Variants in IQUB observed in about 807,000 individuals in gnomAD.
IQUB encodes IQ motif and ubiquitin-like domain-containing protein.
IQUB carries 86 observed loss-of-function variants against 86.4 expected under a neutral mutation model. The ratio of observed to expected loss-of-function variants is 1.00; its 90% CI spans 0.84 to 1.19. IQUB has a LOEUF of 1.19. IQUB is among the 50% of genes most tolerant of loss of function. The probability of loss-of-function intolerance (pLI) is 0.00; values close to 1 mark genes in which losing one functional copy is unlikely to be tolerated. For missense variants in IQUB, 946 were observed against 916.9 expected, an observed-to-expected ratio of 1.03 and a Z score of -0.41; for synonymous variants, 289 against 304.5, an observed-to-expected ratio of 0.95 and a Z score of 0.53.
At position 123,502,756 on chromosome 7, in the gene IQUB, A is replaced by G; in HGVS notation, c.868-4T>C. ...GATTTTTTTTCTGAAAAACTGTCTAAAAGAAAACATTAAAAATTTAAATCA... is the reference window on the plus strand; with the variant it reads ...GATTTTTTTTCTGAAAAACTGTCTAGAAGAAAACATTAAAAATTTAAATCA... On this transcript the variant is annotated splice_polypyrimidine_tract_variant and splice_region_variant and intron_variant, in intron 5 of 12. Transcript: ENST00000324698. The G allele has an allele frequency of 6.3e-7, 1 of 1,584,916 alleles. No individual in the cohort carries two copies. Among genetic ancestry groups the G allele is most frequent in the Non-Finnish European group, 8.6e-7 (1 of 1,165,122 alleles).
chr7:123,482,192 A>G (rs1795041218), intron 7 of IQUB, among the ~76,000 whole-genome samples: 1 of 152,048 alleles, frequency 6.6e-6, no homozygotes, highest in Non-Finnish European at 1.5e-5. Context: ...TTTTTAAAAA[A>G]TTCTATCAAT....
chr7:123,476,065 C>A lies in IQUB; in HGVS notation c.1410+3730G>T, dbSNP rs147410705. ...TCTGTCCCTTATTCTTCCTCCCTAC[C>A]TTCTTCCACAAACATTTATTGACAC... On this transcript the variant is annotated intron_variant, in intron 8 of 12. Coordinates refer to ENST00000324698, the MANE Select transcript of IQUB (RefSeq NM_178827.5). Among the ~76,000 whole-genome samples the A allele has an allele frequency of 5.4e-3, 821 of 152,242 alleles. 9 individuals are homozygous for A. The highest frequency in any genetic ancestry group is 0.019 in the African/African-American group (789 of 41,538).
intron 3 of IQUB, among the ~76,000 whole-genome samples, chr7:123,506,128 C>A (rs1380724205): frequency 6.6e-6 from 1 of 152,210 alleles, no homozygotes; most frequent in Non-Finnish European, 1.5e-5. Flanking sequence ...GACCTTTACT[C>A]CAGTTCCCAA....
intron 1 of IQUB, among the ~76,000 whole-genome samples, chr7:123,529,752 C>A (rs1442138229): frequency 0.012 from 425 of 36,750 alleles, no homozygotes; most frequent in Middle Eastern, 0.019. Flanking sequence ...AAAAAAAAAA[C>A]AGGCTAGGTG....
chr7:123,455,082 C>T (rs1443988437), intron 12 of IQUB, among the ~76,000 whole-genome samples: 1 of 151,912 alleles, frequency 6.6e-6, no homozygotes, highest in African/African-American at 2.4e-5. Flanking sequence ...TATTTGCCTC[C>T]CTTTATTTAT....
chr7:123,499,626 G>C (rs1342476802), intron 6 of IQUB, among the ~76,000 whole-genome samples: 1 of 152,142 alleles, frequency 6.6e-6, no homozygotes, highest in Non-Finnish European at 1.5e-5. Context: ...ACAAAGAAAG[G>C]AGGGGGCAGA....
intron 1 of IQUB, chr7:123,532,579 A>G (rs1252192418): frequency 1.3e-5 from 2 of 152,198 alleles, no homozygotes; most frequent in Non-Finnish European, 2.9e-5. Context: ...CAAAAAAGGC[A>G]AAAAGTCGGG....
intron 1 of IQUB, among the ~76,000 whole-genome samples, chr7:123,530,672 A>ATTTT (rs377272603): frequency 0.011 from 1,107 of 99,416 alleles, 49 homozygotes; most frequent in African/African-American, 0.043. Context: ...TTGCTCTTTG[A>ATTTT]TTTTTTTTTT....
chr7:123,534,007 A>G (rs952283027), intron 1 of IQUB, among the ~76,000 whole-genome samples: 7 of 152,210 alleles, frequency 4.6e-5, no homozygotes, highest in Admixed American at 6.5e-5. Flanking sequence ...GGGATCCAGT[A>G]TTGCCTTCTA....
intron 1 of IQUB, among the ~76,000 whole-genome samples, chr7:123,515,650 T>C (rs534222782): frequency 3.9e-4 from 59 of 151,922 alleles, no homozygotes; most frequent in Admixed American, 1.3e-3. Context: ...AAAAATAAGC[T>C]CAATATCATT....
chr7:123,528,161 G>A (rs541394656), intron 1 of IQUB, among the ~76,000 whole-genome samples: 1,808 of 152,252 alleles, frequency 0.012, 14 homozygotes, highest in Non-Finnish European at 0.017. Flanking sequence ...GCAATGCCTC[G>A]CCCTGCTTCG....
At chr7:123,494,503 T>C in intron 7 of IQUB, among the ~76,000 whole-genome samples, 1 of 152,130 alleles carries the variant, frequency 6.6e-6, no homozygotes. Flanking sequence ...AAAATTATTA[T>C]TCCAAGGCTT....
rs35663628 is a variant in IQUB at position 123,505,381 on chromosome 7, T to C, written c.533-2018A>G. Among the ~76,000 whole-genome samples, 1,068 of 152,332 alleles carry C rather than the reference T, an allele frequency of 7.0e-3. 2 individuals are homozygous for C. Among genetic ancestry groups the C allele is most frequent in the Non-Finnish European group, 0.012 (834 of 68,032 alleles). On this transcript the variant is annotated intron_variant, in intron 3 of 12. Coordinates refer to ENST00000324698, the MANE Select transcript of IQUB (RefSeq NM_178827.5). ...GGGCTCCAATCACATATTTCCCCTT[T>C]GCACCACCCTAGCAGAGGTTCTCCA...
chr7:123,452,612 C>T lies in IQUB; in HGVS notation c.*131G>A, dbSNP rs1378458029. On this transcript the variant is annotated 3_prime_UTR_variant, in exon 13 of 13. Coordinates refer to ENST00000324698, the MANE Select transcript of IQUB (RefSeq NM_178827.5). ...AGAAATGTTTTCTCTTTATATAACT[C>T]AAAATACTATGAAAAACAAAAAACA... 7.8e-6 allele frequency: 4 copies of T among 512,876 alleles called. No individual in the cohort carries two copies. Among genetic ancestry groups the T allele is most frequent in the Admixed American group, 4.0e-5 (1 of 24,928 alleles). 31.8% of individuals were successfully genotyped at this position (512,876 alleles called of 1,614,324 possible).
chr7:123,509,819 A>G (rs1227505703), intron 3 of IQUB, 82 bp downstream of exon 3: 1 of 1,175,350 alleles, frequency 8.5e-7, no homozygotes, highest in East Asian at 2.4e-5. Flanking sequence ...CAAGATATTT[A>G]GTTTTTAAAA....
At chr7:123,453,209 G>T (rs1793519194) in intron 12 of IQUB, among the ~76,000 whole-genome samples, 2 of 149,134 alleles carry the variant, frequency 1.3e-5, no homozygotes, top group South Asian at 4.2e-4. Context: ...TTTGTATAGG[G>T]TGTGATGTGT....
intron 1 of IQUB, among the ~76,000 whole-genome samples, chr7:123,530,232 T>G (rs920672459): frequency 1.3e-5 from 2 of 151,052 alleles, no homozygotes; most frequent in African/African-American, 4.9e-5. Context: ...TCACGCCTGA[T>G]CGAGACCATC....
At chr7:123,482,227 G>T (rs371790466) in intron 7 of IQUB, among the ~76,000 whole-genome samples, 1 of 151,868 alleles carries the variant, frequency 6.6e-6, no homozygotes, top group Non-Finnish European at 1.5e-5. Context: ...TGGAGAGTAT[G>T]TTTTATATTA....
intron 7 of IQUB, among the ~76,000 whole-genome samples, chr7:123,487,912 T>A (rs920619235): frequency 6.6e-6 from 1 of 152,194 alleles, no homozygotes; most frequent in Non-Finnish European, 1.5e-5. Flanking sequence ...TTTTAGGTGA[T>A]TTCCTTTCAG....
Sources: gnomAD v4.1 joint callset for allele counts (sites outside exome capture counted in the v4.1 genomes callset) on GRCh38, gnomAD v4.1.1 for gene constraint, MANE v1.5 for transcripts, NCBI Gene and HGNC (gene_info 2026-07-23, HGNC 2026-07-21) for gene names.